GC: variants seen among roughly 807,000 people sequenced by gnomAD.
GC encodes GC vitamin D binding protein.
GC carries 43 observed loss-of-function variants against 56.7 expected under a neutral mutation model. The observed-to-expected ratio is 0.76, with a 90% CI of 0.59 to 0.98. GC has a LOEUF of 0.98. GC is among the 50% of genes least tolerant of loss of function. The pLI is 0.00. For synonymous variants in GC, 216 were observed against 202.7 expected (o/e 1.07, Z -0.56); for missense variants, 529 against 545.9 (o/e 0.97, Z 0.31).
exon 1 of GC, chr4:71,803,991 A>C (rs1743306982): frequency 4.0e-6 from 5 of 1,251,470 alleles, no homozygotes; most frequent in Non-Finnish European, 5.6e-6. Flanking sequence ...GTGGTAGAAT[A>C]GGTAGATATC....
chr4:71,781,669 C>T (rs1427150335), intron 1 of GC, among the ~76,000 whole-genome samples: 1 of 151,822 alleles, frequency 6.6e-6, no homozygotes, highest in Non-Finnish European at 1.5e-5. Flanking sequence ...TCATCCATTT[C>T]AGTCCTAGGG....
chr4:71,794,696 C>G (rs1379180252), intron 1 of GC, among the ~76,000 whole-genome samples: 1 of 152,062 alleles, frequency 6.6e-6, no homozygotes, highest in East Asian at 1.9e-4. Flanking sequence ...TTGCCTTCTG[C>G]TAGCTTTTAA....
chr4:71,744,641 C>T (rs1741302380), intron 12 of GC, among the ~76,000 whole-genome samples: 1 of 152,078 alleles, frequency 6.6e-6, no homozygotes, highest in African/African-American at 2.4e-5. Context: ...TGAATAATAA[C>T]ACAGTCCAGT....
intron 3 of GC, among the ~76,000 whole-genome samples, chr4:71,767,071 T>C (rs1363509959): frequency 1.3e-5 from 2 of 152,124 alleles, no homozygotes; most frequent in African/African-American, 2.4e-5. Context: ...GGTACAGAAG[T>C]TCAGGTTAAA....
upstream of GC, among the ~76,000 whole-genome samples, chr4:71,786,489 A>T (rs1276063326): frequency 6.6e-6 from 1 of 151,870 alleles, no homozygotes; most frequent in Non-Finnish European, 1.5e-5. Context: ...TATATATTTA[A>T]CAAGAATTAT....
At chr4:71,778,365 C>G (rs1230464217) in intron 1 of GC, among the ~76,000 whole-genome samples, 1 of 151,870 alleles carries the variant, frequency 6.6e-6, no homozygotes, top group African/African-American at 2.4e-5. Context: ...CCTCAAGTTA[C>G]TATTTTACCA....
intron 1 of GC, among the ~76,000 whole-genome samples, chr4:71,802,278 T>C (rs2149311701): frequency 6.6e-6 from 1 of 152,338 alleles, no homozygotes; most frequent in Admixed American, 6.5e-5. Flanking sequence ...GGGTTTAAGC[T>C]GCATATTATT....
At chr4:71,768,461 A>G (rs1214702546) in intron 2 of GC, 28 bp from the exon 3 acceptor site, 7 of 1,584,306 alleles carry the variant, frequency 4.4e-6, no homozygotes, top group South Asian at 1.1e-5. Context: ...CAATATATCA[A>G]TTAGAACTGA....
Position 71,752,610 on chromosome 4 carries a change from G to C in GC, c.1303C>G (p.Pro435Ala), listed in dbSNP as rs756371517. The change falls in exon 11 of 13, where the codon CCC (proline) becomes GCC (alanine). Residue 435 changes from proline (P) to alanine (A), a missense_variant. Coordinates refer to ENST00000273951, the MANE Select transcript of GC (RefSeq NM_000583.4). ...RLKAKLPDAT[P>A]TELAKLVNKH... ...TTAACCAGCTTTGCCAGTTCCGTGG[G>C]TGTGGCATCAGGCAATTTTGCTTTT... 48 of 1,613,284 alleles carry C rather than the reference G, an allele frequency of 3.0e-5. No individual in the cohort carries two copies. Among genetic ancestry groups the C allele is most frequent in the East Asian group, 2.5e-4 (11 of 44,876 alleles).
intron 1 of GC, among the ~76,000 whole-genome samples, chr4:71,789,159 A>G (rs895389037): frequency 4.2e-5 from 5 of 118,582 alleles, no homozygotes; most frequent in Non-Finnish European, 8.4e-5. Context: ...AATCGAGAAA[A>G]GAAGAGAATA....
chr4:71,776,594 G>A (rs983831891), intron 1 of GC, among the ~76,000 whole-genome samples: 12 of 151,768 alleles, frequency 7.9e-5, no homozygotes, highest in African/African-American at 2.9e-4. Context: ...GCGTCAGGGT[G>A]ACTATAGTTA....
intron 1 of GC, among the ~76,000 whole-genome samples, chr4:71,778,891 G>GTTATTA (rs149876631): frequency 0.095 from 13,643 of 143,186 alleles, 870 homozygotes; most frequent in African/African-American, 0.18. Flanking sequence ...ATTGCTGTCA[G>GTTATTA]TTATTATTAT....
chr4:71,771,560 A>G (rs919020608), intron 1 of GC, among the ~76,000 whole-genome samples: 4 of 152,174 alleles, frequency 2.6e-5, no homozygotes, highest in African/African-American at 9.6e-5. Flanking sequence ...AAAACCACAC[A>G]GAAGGTGGAA....
At chr4:71,799,392 C>A (rs1429967678) in intron 1 of GC, among the ~76,000 whole-genome samples, 3 of 152,176 alleles carry the variant, frequency 2.0e-5, no homozygotes, top group Non-Finnish European at 2.9e-5. Context: ...CCTGCCCTCA[C>A]CTACTTTTGG....
intron 11 of GC, among the ~76,000 whole-genome samples, chr4:71,749,806 GT>G (rs1560689946): frequency 6.6e-6 from 1 of 152,136 alleles, no homozygotes; most frequent in Non-Finnish European, 1.5e-5. Flanking sequence ...TGGCATATTT[GT>G]CAGGAGAATT....
intron 8 of GC, 149 bp downstream of exon 8, chr4:71,756,563 A>C: frequency 1.7e-6 from 1 of 605,454 alleles, no homozygotes. Context: ...TTAATTAACA[A>C]ATACTTAAAG....
chr4:71,742,128 GT>G (rs563649788), intron 12 of GC, among the ~76,000 whole-genome samples: 51 of 152,088 alleles, frequency 3.4e-4, no homozygotes, highest in African/African-American at 1.0e-3. Context: ...ATTGTGCAGT[GT>G]TTTTTTAATT....
intron 10 of GC, among the ~76,000 whole-genome samples, chr4:71,753,955 A>G (rs1268491558): frequency 2.0e-5 from 3 of 152,078 alleles, no homozygotes; most frequent in Non-Finnish European, 4.4e-5. Context: ...TTCGTCATCT[A>G]TATTTTTATG....
intron 1 of GC, among the ~76,000 whole-genome samples, chr4:71,780,036 G>C (rs1039661864): frequency 2.6e-5 from 4 of 151,908 alleles, no homozygotes; most frequent in Admixed American, 2.0e-4. Context: ...ATCAACTGCA[G>C]TGGTTTATTT....
Sources: gnomAD v4.1 joint callset for allele counts (sites outside exome capture counted in the v4.1 genomes callset) on GRCh38, gnomAD v4.1.1 for gene constraint, MANE v1.5 for transcripts, NCBI Gene and HGNC (gene_info 2026-07-23, HGNC 2026-07-21) for gene names.